The following GPD1L variants were observed in gnomAD, a reference collection of about 807,000 sequenced individuals.
GPD1L encodes glycerol-3-phosphate dehydrogenase 1 like.
In GPD1L, 17 loss-of-function variants were observed where a neutral mutation model predicts 32.9. That is an observed-to-expected ratio of 0.52 (90% CI 0.35 to 0.78). GPD1L has a LOEUF of 0.78. GPD1L is among the 30% of genes least tolerant of loss of function. The pLI is 0.01. For synonymous variants in GPD1L, 187 were observed against 165.9 expected (o/e 1.13, Z -0.98); for missense variants, 361 against 447.8 (o/e 0.81, Z 1.75).
rs73827721 is a variant in GPD1L at position 32,111,933 on chromosome 3, G to T, written c.47+5175G>T. On this transcript the variant is annotated intron_variant, in intron 1 of 7. Coordinates refer to ENST00000282541, the MANE Select transcript of GPD1L (RefSeq NM_015141.4). ...TCTGTTGTGATTCTCACCACACAGAGAGCTCAGAAACAATTTGAGTGACTA... is the reference window on the plus strand; with the variant it reads ...TCTGTTGTGATTCTCACCACACAGATAGCTCAGAAACAATTTGAGTGACTA... Among the ~76,000 whole-genome samples, 745 of 151,986 alleles carry T rather than the reference G, an allele frequency of 4.9e-3. 8 individuals are homozygous for T. The highest frequency in any genetic ancestry group is 0.017 in the African/African-American group (691 of 41,438).
intron 7 of GPD1L, among the ~76,000 whole-genome samples, chr3:32,163,123 A>G (rs1701093826): frequency 6.9e-6 from 1 of 145,272 alleles, no homozygotes; most frequent in South Asian, 2.2e-4. Flanking sequence ...TTAAGCCCTC[A>G]GTATTGATTA....
chr3:32,158,831 G>C lies in GPD1L; in HGVS notation c.619-45G>C, dbSNP rs371424363. On this transcript the variant is annotated intron_variant, in intron 5 of 7. Coordinates refer to ENST00000282541, the MANE Select transcript of GPD1L (RefSeq NM_015141.4). ...CACCACCTCTGGCATCCATACCCGT[G>C]GTGGGTGCTGTAACGGCATCTGGGC... The C allele has an allele frequency of 7.1e-5, 114 of 1,599,768 alleles. 1 individual carries two copies. The African/African-American group carries it at 1.3e-3, about 19-fold the overall frequency.
intron 3 of GPD1L, 105 bp from the exon 4 acceptor site, chr3:32,140,123 T>A: frequency 8.7e-7 from 1 of 1,150,588 alleles, no homozygotes; most frequent in South Asian, 1.2e-5. Context: ...TTTACTCTTG[T>A]AAGTAGGAGA....
intron 7 of GPD1L, among the ~76,000 whole-genome samples, chr3:32,160,688 C>T (rs919867734): frequency 2.0e-5 from 3 of 152,078 alleles, no homozygotes; most frequent in Non-Finnish European, 4.4e-5. Flanking sequence ...CTCCATTGCC[C>T]TTCCAGGCCA....
At chr3:32,159,536 T>C in intron 6 of GPD1L, 32 bp from the exon 7 acceptor site, 1 of 1,255,020 alleles carries the variant, frequency 8.0e-7, no homozygotes, top group South Asian at 1.2e-5. Context: ...TTTACCATAG[T>C]TTTTTTAAAT....
Position 32,158,953 on chromosome 3 carries a change from G to T in GPD1L, c.696G>T (p.Leu232=), listed in dbSNP as rs768521034. 6.2e-7 allele frequency: 1 copy of T among 1,614,138 alleles called. No homozygotes were observed. The highest frequency in any genetic ancestry group is 2.2e-5 in the East Asian group (1 of 44,886). The change falls in exon 6 of 8, where the codon CTG becomes CTT. Residue 232 remains leucine (L), a synonymous_variant. Coordinates refer to ENST00000282541, the MANE Select transcript of GPD1L (RefSeq NM_015141.4). ...GDNTKAAVIR[L]GLMEMIAFAR... is the part of the protein sequence containing the mutation. ...ACACCAAAGCGGCCGTCATCCGCCT[G>T]GGACTCATGGAAATGATTGCTTTTG...
intron 5 of GPD1L, among the ~76,000 whole-genome samples, chr3:32,154,494 A>G (rs1700960975): frequency 6.6e-6 from 1 of 152,114 alleles, no homozygotes; most frequent in Non-Finnish European, 1.5e-5. Context: ...TCTTCCTGTT[A>G]GAAAGTTCTC....
At chr3:32,134,166 C>T (rs899704581) in intron 2 of GPD1L, among the ~76,000 whole-genome samples, 12 of 152,164 alleles carry the variant, frequency 7.9e-5, no homozygotes, top group African/African-American at 2.7e-4. Flanking sequence ...AGCAGAAAAT[C>T]GGGTAGGGGC....
rs1323315364 is a variant in GPD1L, at chr3:32,138,568, C to T, written c.226-19C>T. The T allele has an allele frequency of 6.2e-7, 1 of 1,613,442 alleles. No homozygotes were observed. Among genetic ancestry groups the T allele is most frequent in the Non-Finnish European group, 8.5e-7 (1 of 1,179,520 alleles). On this transcript the variant is annotated intron_variant, in intron 2 of 7. Coordinates refer to ENST00000282541, the MANE Select transcript of GPD1L (RefSeq NM_015141.4). ...TTGATATAAGAGGAGAAACGGTCTT[C>T]TCTGCCTTTTGGTTGCAGGTTGCCA... is the stretch of plus-strand genomic sequence containing the variant.
At chr3:32,162,163 G>C (rs1701081945) in intron 7 of GPD1L, among the ~76,000 whole-genome samples, 1 of 152,274 alleles carries the variant, frequency 6.6e-6, no homozygotes. Flanking sequence ...ACAAAATTAA[G>C]ATGGAAGACC....
intron 5 of GPD1L, among the ~76,000 whole-genome samples, chr3:32,152,830 G>GAAGA (rs1473195681): frequency 7.6e-6 from 1 of 131,108 alleles, no homozygotes; most frequent in Non-Finnish European, 1.6e-5. Flanking sequence ...GTTAAAAAAA[G>GAAGA]AAGAAAGAAA....
At chr3:32,140,611 C>A (rs373220187) in intron 4 of GPD1L, among the ~76,000 whole-genome samples, 1 of 152,124 alleles carries the variant, frequency 6.6e-6, no homozygotes, top group Non-Finnish European at 1.5e-5. Context: ...TTGCTGTGAT[C>A]CAATAATGAA....
At chr3:32,132,172 C>A (rs1307046406) in intron 2 of GPD1L, among the ~76,000 whole-genome samples, 3 of 152,150 alleles carry the variant, frequency 2.0e-5, no homozygotes, top group Non-Finnish European at 2.9e-5. Flanking sequence ...TTGATGGTAT[C>A]CTTTGAAGCA....
intron 5 of GPD1L, among the ~76,000 whole-genome samples, chr3:32,153,530 G>A (rs1001825820): frequency 6.6e-6 from 1 of 152,208 alleles, no homozygotes; most frequent in Non-Finnish European, 1.5e-5. Context: ...CCAAGTGTGG[G>A]CCTGCCTCAG....
chr3:32,162,392 T>TC (rs1178207717), intron 7 of GPD1L, among the ~76,000 whole-genome samples: 1 of 57,610 alleles, frequency 1.7e-5, no homozygotes, highest in Admixed American at 1.4e-4. Context: ...TTTCTTTTTT[T>TC]TTTTGAGACG....
At chr3:32,152,677 C>T (rs1700935393) in intron 5 of GPD1L, among the ~76,000 whole-genome samples, 1 of 152,080 alleles carries the variant, frequency 6.6e-6, no homozygotes, top group African/African-American at 2.4e-5. Context: ...CCAACACTGC[C>T]ACAGTGGCCA....
chr3:32,162,844 C>T (rs1347255790), intron 7 of GPD1L, among the ~76,000 whole-genome samples: 1 of 151,848 alleles, frequency 6.6e-6, no homozygotes, highest in Non-Finnish European at 1.5e-5. Flanking sequence ...CTGCAATCTC[C>T]GCCTCCCATG....
rs2125480056 is a variant in GPD1L, at chr3:32,130,331, T to TC, written c.225+2082dup. 1.3e-5 allele frequency among the ~76,000 whole-genome samples: 2 copies of TC among 152,216 alleles called. 1 individual carries two copies. Among genetic ancestry groups the TC allele is most frequent in the South Asian group, 4.2e-4 (2 of 4,818 alleles). On this transcript the variant is annotated intron_variant, in intron 2 of 7. Transcript: ENST00000282541. ...TTAAGTGAAATTTTTGACCAATATG[T>TC]CCCCAGTCCCTCACCCTCCAGCCTC... is the stretch of plus-strand genomic sequence containing the variant.
intron 4 of GPD1L, among the ~76,000 whole-genome samples, chr3:32,143,287 ATTTTTAAAAG>A (rs1700774599): frequency 6.6e-6 from 1 of 152,174 alleles, no homozygotes; most frequent in African/African-American, 2.4e-5. Context: ...GAATTAATTA[ATTTTTAAAAG>A]TAGAGTCTTG....
Sources: allele counts gnomAD v4.1 joint callset (sites outside exome capture counted in the v4.1 genomes callset), GRCh38; gene constraint gnomAD v4.1.1; transcripts MANE v1.5; gene names NCBI Gene and HGNC (gene_info 2026-07-23, HGNC 2026-07-21).